VILL: variants seen among roughly 807,000 people sequenced by gnomAD.
The protein encoded by VILL is villin-like protein.
VILL carries 102 observed loss-of-function variants against 106.3 expected under a neutral mutation model. That is an observed-to-expected ratio of 0.96 (90% CI 0.82 to 1.13). The LOEUF is 1.13. Among genes scored for constraint, VILL ranks in the 50% most tolerant of loss-of-function variants. The pLI is 0.00. For synonymous variants in VILL, 431 were observed against 440.3 expected, an observed-to-expected ratio of 0.98 and a Z score of 0.27; for missense variants, 1,076 against 1,116.6, an observed-to-expected ratio of 0.96 and a Z score of 0.52.
chr3:37,988,781 G>A (rs1699577595), upstream of VILL, among the ~76,000 whole-genome samples: 1 of 152,214 alleles, frequency 6.6e-6, no homozygotes, highest in Non-Finnish European at 1.5e-5. Context: ...AGAATCACTT[G>A]AACCCGGGAG....
In VILL at chr3:37,997,187, G is replaced by A. The variant is rs1699718415; in HGVS notation, c.561G>A (p.Arg187=). ...GPKTSISEKA[R]GLALTYSLRD... ...AGACCAGCATTTCTGAGAAGGCTCGGGTCAGTGTCTGCCCAAGGAACTGGG... is the reference window on the plus strand; with the variant it reads ...AGACCAGCATTTCTGAGAAGGCTCGAGTCAGTGTCTGCCCAAGGAACTGGG... The change falls in exon 6 of 20, where the codon CGG becomes CGA. Residue 187 remains arginine, a splice_region_variant and synonymous_variant. Transcript: ENST00000383759. This position sits in a 1 kb window ranked among gnomAD's most constrained non-coding sequence, Gnocchi z 4.7. 6.2e-7 allele frequency: 1 copy of A among 1,613,898 alleles called. No homozygotes were observed. The highest frequency in any genetic ancestry group is 1.3e-5 in the African/African-American group (1 of 74,922).
rs564620868 is a variant in VILL, at chr3:38,006,942, T to TTCTA, written c.2462_2465dup (p.Asp824LeufsTer4). 110 of 1,613,360 alleles carry TTCTA rather than the reference T, an allele frequency of 6.8e-5. No individual in the cohort carries two copies. In the East Asian group the frequency reaches 8.2e-4, roughly 12 times the overall value. ...ACCTCCCCCTCTCTCCCCTGCCCAG[T>TTCTA]TCTATCTCTCAGACTCTGACTTCCA... On this transcript the variant is annotated frameshift_variant and splice_region_variant, in exon 20 of 20. Coordinates refer to ENST00000383759, the MANE Select transcript of VILL (RefSeq NM_015873.4). LOFTEE classifies it high-confidence loss of function.
chr3:38,005,914 G>A lies in VILL; in HGVS notation c.2073G>A (p.Gln691=). The A allele has an allele frequency of 6.2e-7, 1 of 1,614,114 alleles. No individual in the cohort carries two copies. Among genetic ancestry groups the A allele is most frequent in the East Asian group, 2.2e-5 (1 of 44,882 alleles). ...SPATPIVLVK[Q]GHEPPTFIGW... Reference sequence around the variant, plus strand: ...CCACACCCATCGTGCTGGTCAAGCAGGGCCATGAGCCTCCCACCTTCATTG... The same window carrying A: ...CCACACCCATCGTGCTGGTCAAGCAAGGCCATGAGCCTCCCACCTTCATTG... Residue 691 remains glutamine (Q), a synonymous_variant, in exon 17 of 20, where the codon CAG becomes CAA. Transcript: ENST00000383759.
At chr3:37,994,226 C>T (rs1699659328) in intron 3 of VILL, 35 bp from the exon 4 acceptor site, 2 of 1,574,680 alleles carry the variant, frequency 1.3e-6, no homozygotes, top group Non-Finnish European at 1.7e-6. Flanking sequence ...CTCCGTCTTC[C>T]CCGCAACACA....
At chr3:38,006,858 G>A in intron 19 of VILL, 84 bp from the exon 20 acceptor site, 1 of 1,514,186 alleles carries the variant, frequency 6.6e-7, no homozygotes, top group Middle Eastern at 1.8e-4. Context: ...CCCAAGCCCT[G>A]GATGACTGAC....
chr3:37,994,005 G>A, intron 3 of VILL, 33 bp downstream of exon 3: 1 of 1,612,868 alleles, frequency 6.2e-7, no homozygotes. Context: ...CCTGAGAGGG[G>A]TGGCATGGCC....
In VILL at chr3:37,997,632, C is replaced by T; in HGVS notation, c.711C>T (p.Ala237=). 6.2e-7 allele frequency: 1 copy of T among 1,613,132 alleles called. No homozygotes were observed. ...GCAGGGTGGGCAGCCTGCGTGCCGC[C>T]ACGCCCAGCAAGGATATCAACCAGC... is the stretch of plus-strand genomic sequence containing the variant. ...LGRRVGSLRA[A]TPSKDINQLQ... The change falls in exon 7 of 20, where the codon GCC becomes GCT. Residue 237 remains alanine, a synonymous_variant. Coordinates refer to ENST00000383759, the MANE Select transcript of VILL (RefSeq NM_015873.4). The surrounding 1 kb of genome is among the most constrained non-coding windows in gnomAD (Gnocchi z 4.7).
In VILL at chr3:37,998,473, T is replaced by C; in HGVS notation, c.942+109T>C. The C allele has an allele frequency of 1.0e-6, 1 of 992,492 alleles. No homozygotes were observed. The highest frequency in any genetic ancestry group is 1.5e-6 in the Non-Finnish European group (1 of 662,726). The allele number at this position is 992,492 out of a possible 1,614,324, so 61.5% of individuals were successfully genotyped here. On this transcript the variant is annotated intron_variant, in intron 9 of 19. Transcript: ENST00000383759. This position sits in a 1 kb window ranked among gnomAD's most constrained non-coding sequence, Gnocchi z 4.1. The stretch of plus-strand genomic sequence containing the variant: ...GGAGGAATCAGCCCTCCCCTAGAGT[T>C]TGAGTTGGGAAATCCTATGCTGGAG...
intron 3 of VILL, 129 bp from the exon 4 acceptor site, chr3:37,994,132 C>A: frequency 7.2e-7 from 1 of 1,390,736 alleles, no homozygotes; most frequent in Non-Finnish European, 1.0e-6. Flanking sequence ...TTAGTCCTTC[C>A]CTCCCACTTC....
upstream of VILL, among the ~76,000 whole-genome samples, chr3:37,990,206 C>A (rs1022066333): frequency 2.0e-5 from 3 of 152,320 alleles, no homozygotes; most frequent in African/African-American, 7.2e-5. This position sits in a 1 kb window ranked among gnomAD's most constrained non-coding sequence, Gnocchi z 5.1. Context: ...GTCTTCGCTG[C>A]AAGAGCTGGA....
At position 38,006,165 on chromosome 3, in the gene VILL, C is replaced by T. The variant is rs1285987979; in HGVS notation, c.2134-16C>T. 7.4e-6 allele frequency: 12 copies of T among 1,614,070 alleles called. No individual in the cohort carries two copies. Among genetic ancestry groups the T allele is most frequent in the Non-Finnish European group, 1.0e-5 (12 of 1,180,038 alleles). On this transcript the variant is annotated splice_polypyrimidine_tract_variant and intron_variant, in intron 17 of 19. Coordinates refer to ENST00000383759, the MANE Select transcript of VILL (RefSeq NM_015873.4). ...TCCTGCCCTGGCCCTGATACTTGCC[C>T]CGATTCTTGCTCCAGAGCCACCCGT...
chr3:37,998,708 C>A lies in VILL; in HGVS notation c.943-204C>A, dbSNP rs183838957. On this transcript the variant is annotated intron_variant, in intron 9 of 19. Coordinates refer to ENST00000383759, the MANE Select transcript of VILL (RefSeq NM_015873.4). The surrounding 1 kb of genome is among the most constrained non-coding windows in gnomAD (Gnocchi z 4.1). Reference sequence around the variant, plus strand: ...GAGGGTTGACATGGCCTGTCCTGCACGAGGCCTAGACTAAGGGGGCCCTGC... The same window carrying A: ...GAGGGTTGACATGGCCTGTCCTGCAAGAGGCCTAGACTAAGGGGGCCCTGC... 3.0e-3 allele frequency among the ~76,000 whole-genome samples: 464 copies of A among 152,236 alleles called. 4 individuals are homozygous for A. The highest frequency in any genetic ancestry group is 0.01 in the African/African-American group (417 of 41,558).
At chr3:37,999,136 G>T in intron 10 of VILL, 86 bp downstream of exon 10, 1 of 1,036,678 alleles carries the variant, frequency 9.6e-7, no homozygotes. Flanking sequence ...GTTGGGATGG[G>T]TGAGCGGGCG....
chr3:37,992,924 G>T (rs1392265620), intron 1 of VILL, among the ~76,000 whole-genome samples: 1 of 152,196 alleles, frequency 6.6e-6, no homozygotes, highest in African/African-American at 2.4e-5. Flanking sequence ...AGCCAAGGGT[G>T]TTCCTGCTAT....
chr3:37,995,649 C>T (rs1041461781), intron 4 of VILL, 90 bp from the exon 5 acceptor site: 20 of 1,054,946 alleles, frequency 1.9e-5, no homozygotes, highest in African/African-American at 6.2e-5. Flanking sequence ...CATACGTGCA[C>T]GTGCTCACAT....
In VILL at chr3:37,997,026, C is replaced by G. The variant is rs942218391; in HGVS notation, c.451-51C>G. On this transcript the variant is annotated intron_variant, in intron 5 of 19. Coordinates refer to ENST00000383759, the MANE Select transcript of VILL (RefSeq NM_015873.4). This position sits in a 1 kb window ranked among gnomAD's most constrained non-coding sequence, Gnocchi z 4.7. ...TGACACATCCCAGCTATGCTCCCCT[C>G]TAGCGGATGCTGGTGGTATGACACT... 7.1e-6 allele frequency: 11 copies of G among 1,544,268 alleles called. No homozygotes were observed. The highest frequency in any genetic ancestry group is 1.7e-5 in the Admixed American group (1 of 59,784).
At position 38,001,612 on chromosome 3, in the gene VILL, G is replaced by A; in HGVS notation, c.1320+19G>A. 1 of 1,613,856 alleles carries A rather than the reference G, an allele frequency of 6.2e-7. No individual in the cohort carries two copies. Among genetic ancestry groups the A allele is most frequent in the African/African-American group, 1.3e-5 (1 of 75,068 alleles). ...ATGGCAGGTGTGCCAGCCTGAGGGAGGCAGCACTCACCTTAAAGCCCAAGG... is the reference window on the plus strand; with the variant it reads ...ATGGCAGGTGTGCCAGCCTGAGGGAAGCAGCACTCACCTTAAAGCCCAAGG... On this transcript the variant is annotated intron_variant, in intron 12 of 19. Coordinates refer to ENST00000383759, the MANE Select transcript of VILL (RefSeq NM_015873.4).
At chr3:38,002,309 C>G (rs1375433199) in intron 13 of VILL, 87 bp from the exon 14 acceptor site, 2 of 1,343,442 alleles carry the variant, frequency 1.5e-6, no homozygotes, top group Non-Finnish European at 2.0e-6. Context: ...GCAAGGGTCC[C>G]TGAGCTCTGA....
At chr3:37,990,474 T>C (rs1699595485), upstream of VILL, among the ~76,000 whole-genome samples, 1 of 152,076 alleles carries the variant, frequency 6.6e-6, no homozygotes, top group Admixed American at 6.5e-5. This position sits in a 1 kb window ranked among gnomAD's most constrained non-coding sequence, Gnocchi z 5.1. Flanking sequence ...CAGGGGCCCA[T>C]CTAGTACTCC....
Sources: gnomAD v4.1 joint callset for allele counts (sites outside exome capture counted in the v4.1 genomes callset) on GRCh38, gnomAD v4.1.1 for gene constraint, Gnocchi (gnomAD v3.1) non-coding constraint, MANE v1.5 for transcripts, NCBI Gene and HGNC (gene_info 2026-07-23, HGNC 2026-07-21) for gene names.